Variants in DNAH8 observed in about 807,000 individuals in gnomAD.
DNAH8 encodes dynein axonemal heavy chain 8.
In DNAH8, 382 loss-of-function variants were observed where a neutral mutation model predicts 562.1. The ratio of observed to expected loss-of-function variants is 0.68; its 90% CI spans 0.63 to 0.74. The LOEUF (loss-of-function observed/expected upper bound fraction) is 0.74. DNAH8 is among the 30% of genes least tolerant of loss of function. The pLI, the probability that DNAH8 is intolerant of heterozygous loss-of-function variation, is 0.00. For synonymous variants in DNAH8, 1,881 were observed against 1,919.4 expected (o/e 0.98, Z 0.52); for missense variants, 5,203 against 5,620.4 (o/e 0.93, Z 2.37).
chr6:38,877,271 A>G (rs1428646703), intron 53 of DNAH8, among the ~76,000 whole-genome samples: 2 of 152,222 alleles, frequency 1.3e-5, no homozygotes, highest in Non-Finnish European at 2.9e-5. Flanking sequence ...TAAGGAAGCC[A>G]ATAAAATAAT....
intron 60 of DNAH8, among the ~76,000 whole-genome samples, chr6:38,896,564 G>A (rs1453513522): frequency 6.6e-6 from 1 of 151,198 alleles, no homozygotes; most frequent in Non-Finnish European, 1.5e-5. Context: ...GACAGAATGA[G>A]ACCCTGTCTC....
chr6:38,883,970 T>C lies in DNAH8; in HGVS notation c.8231T>C (p.Met2744Thr), dbSNP rs924238536. The C allele has an allele frequency of 9.5e-6, 15 of 1,576,992 alleles. No homozygotes were observed. The highest frequency in any genetic ancestry group is 1.2e-5 in the Non-Finnish European group (14 of 1,159,708). Residue 2744 changes from methionine to threonine, a missense_variant, in exon 56 of 93, where the codon ATG becomes ACG. Around this residue, in one of 6 missense-constraint regions of DNAH8, gnomAD observed 977 missense variants for 1,061.8 expected, o/e 0.92. Coordinates refer to ENST00000327475, the MANE Select transcript of DNAH8 (RefSeq NM_001206927.2). ...ACTGTATTTATTGATGATATTAATA[T>C]GCCTGTGATTAATGAGTGGGGAGAT... ...KMTVFIDDIN[M>T]PVINEWGDQI...
intron 48 of DNAH8, among the ~76,000 whole-genome samples, chr6:38,869,117 A>G (rs1040504324): frequency 2.0e-5 from 3 of 152,174 alleles, no homozygotes; most frequent in Non-Finnish European, 4.4e-5. Flanking sequence ...AGTTACAAAA[A>G]CTAACATCTG....
chr6:38,929,442 T>G (rs1782362127), intron 74 of DNAH8, 69 bp from the exon 75 acceptor site: 2 of 1,404,450 alleles, frequency 1.4e-6, no homozygotes, highest in African/African-American at 1.5e-5. Flanking sequence ...CCAACAAATC[T>G]CTCGGTTTCC....
chr6:38,822,679 G>T (rs1192619584), intron 26 of DNAH8, among the ~76,000 whole-genome samples, 159 bp from the exon 27 acceptor site: 1 of 152,132 alleles, frequency 6.6e-6, no homozygotes, highest in Non-Finnish European at 1.5e-5. Flanking sequence ...CATGAAGATA[G>T]CAAGAGAATA....
chr6:38,811,043 A>C (rs984502532), intron 24 of DNAH8, among the ~76,000 whole-genome samples: 1 of 152,040 alleles, frequency 6.6e-6, no homozygotes, highest in African/African-American at 2.4e-5. Flanking sequence ...TTTAATCCTT[A>C]ATGTTTCTGC....
intron 11 of DNAH8, among the ~76,000 whole-genome samples, chr6:38,770,124 G>A (rs1428425899): frequency 1.3e-5 from 2 of 152,144 alleles, no homozygotes; most frequent in Non-Finnish European, 2.9e-5. Context: ...GAACTGAATA[G>A]AGATGTCTTG....
intron 67 of DNAH8, among the ~76,000 whole-genome samples, chr6:38,914,453 T>C (rs1781147980): frequency 2.3e-5 from 3 of 130,398 alleles, no homozygotes; most frequent in Admixed American, 9.9e-5. Context: ...CAGGCTGGAG[T>C]GCAGTGGCGT....
At chr6:39,000,289 A>G (rs1765403132) in intron 88 of DNAH8, among the ~76,000 whole-genome samples, 1 of 152,222 alleles carries the variant, frequency 6.6e-6, no homozygotes. Context: ...TGCTATGATA[A>G]CACAGGTGGA....
chr6:38,788,011 C>G (rs1769340481), intron 18 of DNAH8, among the ~76,000 whole-genome samples: 2 of 151,984 alleles, frequency 1.3e-5, no homozygotes, highest in South Asian at 4.1e-4. Flanking sequence ...CAATACAGAA[C>G]TGATTAAATA....
chr6:38,888,746 T>A (rs2150481525), intron 57 of DNAH8, among the ~76,000 whole-genome samples: 1 of 152,312 alleles, frequency 6.6e-6, no homozygotes, highest in Non-Finnish European at 1.5e-5. Flanking sequence ...CAAGCATTAG[T>A]GAGAATGTGA....
intron 82 of DNAH8, among the ~76,000 whole-genome samples, chr6:38,960,635 A>G (rs1762550262): frequency 1.3e-5 from 2 of 152,024 alleles, no homozygotes; most frequent in South Asian, 4.1e-4. Context: ...GCTGGCAATG[A>G]TGTGGAGAAA....
chr6:39,028,266 T>C (rs143278996), intron 92 of DNAH8, among the ~76,000 whole-genome samples: 2 of 152,352 alleles, frequency 1.3e-5, no homozygotes, highest in East Asian at 3.9e-4. Context: ...AAGGCTGTCA[T>C]AACAAAGTAT....
At chr6:38,948,662 C>T (rs541834260) in intron 80 of DNAH8, among the ~76,000 whole-genome samples, 3 of 152,258 alleles carry the variant, frequency 2.0e-5, no homozygotes, top group East Asian at 1.9e-4. Flanking sequence ...TTACAAACAC[C>T]GTCTAAATAA....
chr6:39,023,441 G>A (rs1277144408), intron 91 of DNAH8, among the ~76,000 whole-genome samples: 1 of 152,030 alleles, frequency 6.6e-6, no homozygotes, highest in Non-Finnish European at 1.5e-5. Context: ...TGCAGTGAGC[G>A]GAGATCACGC....
intron 41 of DNAH8, among the ~76,000 whole-genome samples, chr6:38,855,189 T>C (rs1453804081): frequency 6.6e-6 from 1 of 152,070 alleles, no homozygotes; most frequent in Non-Finnish European, 1.5e-5. Flanking sequence ...TTCTGCTTTC[T>C]TTTAAAACAT....
chr6:38,772,178 G>A (rs962042398), intron 12 of DNAH8, among the ~76,000 whole-genome samples: 5 of 151,690 alleles, frequency 3.3e-5, no homozygotes, highest in African/African-American at 9.7e-5. Context: ...ACAGGTGCCC[G>A]CCACTACGCC....
chr6:38,924,801 G>A (rs1390820094), intron 73 of DNAH8: 1 of 152,236 alleles, frequency 6.6e-6, no homozygotes, highest in African/African-American at 2.4e-5. Context: ...GGCATGATCT[G>A]TGCTGGTATT....
At chr6:38,905,583 T>G (rs1054163191) in intron 62 of DNAH8, among the ~76,000 whole-genome samples, 1 of 152,182 alleles carries the variant, frequency 6.6e-6, no homozygotes, top group African/African-American at 2.4e-5. Flanking sequence ...TCAGATGAGT[T>G]TTAGATATTA....
Sources: allele counts gnomAD v4.1 joint callset (sites outside exome capture counted in the v4.1 genomes callset), GRCh38; gene constraint gnomAD v4.1.1; regional missense constraint gnomAD v4.1.1; transcripts MANE v1.5; gene names NCBI Gene and HGNC (gene_info 2026-07-23, HGNC 2026-07-21).